The following METTL15 variants were observed in gnomAD, a reference collection of about 807,000 sequenced individuals.
The protein encoded by METTL15 is methyltransferase 15, mitochondrial 12S rRNA N4-cytidine.
A neutral mutation model predicts 38.3 loss-of-function variants in METTL15; 34 were observed. The ratio of observed to expected loss-of-function variants is 0.89; its 90% CI spans 0.68 to 1.18. The LOEUF (loss-of-function observed/expected upper bound fraction) is 1.18. Among genes scored for constraint, METTL15 ranks in the 50% most tolerant of loss-of-function variants. The probability of loss-of-function intolerance (pLI) is 0.00; values close to 1 mark genes in which losing one functional copy is unlikely to be tolerated. For missense variants in METTL15, 438 were observed against 498.4 expected, an observed-to-expected ratio of 0.88 and a Z score of 1.15; for synonymous variants, 162 against 170.9, an observed-to-expected ratio of 0.95 and a Z score of 0.41.
intron 4 of METTL15, among the ~76,000 whole-genome samples, chr11:28,246,097 A>G (rs1203769491): frequency 6.6e-6 from 1 of 152,176 alleles, no homozygotes; most frequent in African/African-American, 2.4e-5. Flanking sequence ...ATATACAACT[A>G]TATAGAAGAA....
intron 4 of METTL15, among the ~76,000 whole-genome samples, chr11:28,267,160 CA>C (rs57831121): frequency 0.13 from 6,906 of 53,778 alleles, 223 homozygotes; most frequent in East Asian, 0.38. Context: ...AACTCCATCT[CA>C]AAAAAAAAAA....
intron 6 of METTL15, among the ~76,000 whole-genome samples, chr11:28,508,037 G>T (rs1400947108): frequency 1.3e-5 from 2 of 152,160 alleles, no homozygotes; most frequent in African/African-American, 2.4e-5. Flanking sequence ...ACGTACTCTT[G>T]TGTCTGCCTA....
intron 6 of METTL15, among the ~76,000 whole-genome samples, chr11:28,437,435 TG>T (rs1254093734): frequency 3.3e-5 from 5 of 152,218 alleles, no homozygotes; most frequent in Admixed American, 2.0e-4. Flanking sequence ...CATATAGGGA[TG>T]CAACATGGAC....
chr11:28,487,218 A>G (rs1851446311), intron 6 of METTL15, among the ~76,000 whole-genome samples: 1 of 152,194 alleles, frequency 6.6e-6, no homozygotes, highest in Non-Finnish European at 1.5e-5. Context: ...GTATTCTAAG[A>G]GAATCATGCA....
At chr11:28,469,102 G>A (rs1289992790) in intron 6 of METTL15, among the ~76,000 whole-genome samples, 5 of 152,116 alleles carry the variant, frequency 3.3e-5, no homozygotes, top group Non-Finnish European at 7.4e-5. Context: ...GTGTGTATGT[G>A]TGATCTTGCA....
chr11:28,482,246 C>A (rs559709160), intron 6 of METTL15, among the ~76,000 whole-genome samples: 1 of 152,258 alleles, frequency 6.6e-6, no homozygotes, highest in South Asian at 2.1e-4. Context: ...ATAGGAGTTA[C>A]CACTTAAGCA....
intron 3 of METTL15, among the ~76,000 whole-genome samples, chr11:28,154,819 T>A (rs1850208468): frequency 6.6e-6 from 1 of 152,162 alleles, no homozygotes; most frequent in Non-Finnish European, 1.5e-5. Context: ...ACAGGGTCTC[T>A]GTTTTTCTCA....
chr11:28,205,556 T>G (rs1028154103), intron 3 of METTL15, among the ~76,000 whole-genome samples: 6 of 152,028 alleles, frequency 3.9e-5, no homozygotes, highest in South Asian at 2.1e-4. Flanking sequence ...GAATAGTGCC[T>G]CAATAAACAT....
intron 4 of METTL15, among the ~76,000 whole-genome samples, chr11:28,285,813 C>A (rs1174176277): frequency 6.6e-6 from 1 of 152,052 alleles, no homozygotes; most frequent in Admixed American, 6.6e-5. Context: ...AACCTTCTTT[C>A]CCCAGTAGCT....
intron 4 of METTL15, among the ~76,000 whole-genome samples, chr11:28,217,950 T>C (rs993069786): frequency 6.6e-6 from 1 of 152,184 alleles, no homozygotes; most frequent in Non-Finnish European, 1.5e-5. Flanking sequence ...CATGCTGTTT[T>C]GGTTACTGTA....
At chr11:28,451,460 C>G (rs964827105) in intron 6 of METTL15, among the ~76,000 whole-genome samples, 1 of 151,882 alleles carries the variant, frequency 6.6e-6, no homozygotes. Context: ...TGGCGGGCAC[C>G]TGTAGTATCA....
intron 6 of METTL15, among the ~76,000 whole-genome samples, chr11:28,451,474 A>G (rs1444591195): frequency 6.6e-6 from 1 of 151,928 alleles, no homozygotes; most frequent in East Asian, 1.9e-4. Flanking sequence ...AGTATCAGCT[A>G]CTCAGGAGGC....
chr11:28,527,271 T>C (rs975429727), downstream of METTL15, among the ~76,000 whole-genome samples: 1 of 152,224 alleles, frequency 6.6e-6, no homozygotes, highest in Non-Finnish European at 1.5e-5. Flanking sequence ...CTCATAGTTT[T>C]TCTTATAAGG....
intron 6 of METTL15, among the ~76,000 whole-genome samples, chr11:28,525,558 C>T (rs1479185713): frequency 6.6e-6 from 1 of 152,018 alleles, no homozygotes; most frequent in African/African-American, 2.4e-5. Context: ...ACCAGATCAG[C>T]TAGACACAGA....
exon 4 of METTL15, chr11:28,352,144 C>G (rs1850046922): frequency 6.6e-6 from 1 of 152,166 alleles, no homozygotes; most frequent in African/African-American, 2.4e-5. Flanking sequence ...TAACCTGCAC[C>G]TCTTCACAGC....
In METTL15 at chr11:28,146,168, A is replaced by T. The variant is rs567744196; in HGVS notation, c.270+32564A>T. On this transcript the variant is annotated intron_variant, in intron 3 of 6. Coordinates refer to ENST00000407364, the MANE Select transcript of METTL15 (RefSeq NM_001113528.2). ...TTTCAAGCTATTTCTGACTGTTAAA[A>T]CTTTCTGGAAAGTTGTTCCATATCC... 5.3e-5 allele frequency among the ~76,000 whole-genome samples: 8 copies of T among 152,148 alleles called. No homozygotes were observed. In the East Asian group the frequency reaches 1.2e-3, roughly 22 times the overall value.
At chr11:28,428,986 A>G (rs568093106) in intron 6 of METTL15, among the ~76,000 whole-genome samples, 30 of 152,140 alleles carry the variant, frequency 2.0e-4, no homozygotes, top group Non-Finnish European at 3.4e-4. Context: ...GCTCATCACC[A>G]TGTTCTCCCT....
intron 3 of METTL15, among the ~76,000 whole-genome samples, chr11:28,117,703 G>C (rs1382453837): frequency 6.6e-6 from 1 of 152,052 alleles, no homozygotes; most frequent in African/African-American, 2.4e-5. Flanking sequence ...AAACTTTCTT[G>C]TGAGGTACAC....
At chr11:28,247,119 T>TTTAGATG (rs1179490752) in intron 4 of METTL15, among the ~76,000 whole-genome samples, 1 of 152,152 alleles carries the variant, frequency 6.6e-6, no homozygotes, top group African/African-American at 2.4e-5. Context: ...AAATACCGTA[T>TTTAGATG]CAAGTATTTC....
Sources: allele counts gnomAD v4.1 joint callset (sites outside exome capture counted in the v4.1 genomes callset), GRCh38; gene constraint gnomAD v4.1.1; transcripts MANE v1.5; gene names NCBI Gene and HGNC (gene_info 2026-07-23, HGNC 2026-07-21).